The following PTPRM variants were observed in gnomAD, a reference collection of about 807,000 sequenced individuals.
The protein encoded by PTPRM is receptor-type tyrosine-protein phosphatase mu.
PTPRM carries 47 observed loss-of-function variants against 186.7 expected under a neutral mutation model. That is an observed-to-expected ratio of 0.25 (90% CI 0.20 to 0.32). The LOEUF is 0.32. Among genes scored for constraint, PTPRM ranks in the 10% least tolerant of loss-of-function variants. The pLI, the probability that PTPRM is intolerant of heterozygous loss-of-function variation, is 1.00. For missense variants in PTPRM, 1,494 were observed against 1,865.0 expected (o/e 0.80, Z 3.66); for synonymous variants, 668 against 674.9 (o/e 0.99, Z 0.16).
rs2049564032 is a variant in PTPRM at position 7,899,818 on chromosome 18, G to A, written c.469-6687G>A. The stretch of plus-strand genomic sequence containing the variant: ...ATTTTTAATTTTTCTGATATTTTGA[G>A]GCCTATGAAGTAATTAATTTTTCTG... On this transcript the variant is annotated intron_variant, in intron 3 of 32. Transcript: ENST00000580170. 2.0e-5 allele frequency among the ~76,000 whole-genome samples: 3 copies of A among 151,994 alleles called. No homozygotes were observed. In the South Asian group the frequency reaches 6.2e-4, roughly 32 times the overall value.
intron 29 of PTPRM, among the ~76,000 whole-genome samples, chr18:8,382,690 A>T (rs1321058845): frequency 6.6e-6 from 1 of 152,220 alleles, no homozygotes; most frequent in African/African-American, 2.4e-5. Context: ...ATAAAATCCC[A>T]ACCTTAACTG....
At chr18:8,054,875 C>T (rs2087805190) in intron 7 of PTPRM, among the ~76,000 whole-genome samples, 1 of 151,988 alleles carries the variant, frequency 6.6e-6, no homozygotes, top group Admixed American at 6.6e-5. Flanking sequence ...TGTCTTGATC[C>T]TTGAATGATA....
At chr18:8,159,694 A>G (rs1040565254) in intron 14 of PTPRM, among the ~76,000 whole-genome samples, 4 of 152,188 alleles carry the variant, frequency 2.6e-5, no homozygotes, top group Admixed American at 2.6e-4. Context: ...TCTGGGTACC[A>G]TATGTCTTTT....
intron 5 of PTPRM, among the ~76,000 whole-genome samples, chr18:7,938,457 C>T (rs1178861262): frequency 6.6e-6 from 1 of 152,156 alleles, no homozygotes; most frequent in African/African-American, 2.4e-5. Flanking sequence ...TAAAAGTGAA[C>T]TGGCTTGAGA....
At chr18:8,042,021 T>C (rs1031481053) in intron 7 of PTPRM, among the ~76,000 whole-genome samples, 6 of 152,216 alleles carry the variant, frequency 3.9e-5, no homozygotes, top group African/African-American at 1.4e-4. Flanking sequence ...GATTACTGAA[T>C]AGCTAGGTAT....
intron 2 of PTPRM, among the ~76,000 whole-genome samples, chr18:7,829,798 T>G (rs1195970827): frequency 1.3e-5 from 2 of 152,190 alleles, no homozygotes; most frequent in African/African-American, 4.8e-5. Flanking sequence ...ACCAGAGTCC[T>G]CCTGTGTTGG....
At chr18:7,902,605 A>G (rs1002391325) in intron 3 of PTPRM, among the ~76,000 whole-genome samples, 3 of 152,158 alleles carry the variant, frequency 2.0e-5, no homozygotes, top group African/African-American at 7.2e-5. Flanking sequence ...CTATTCTTTC[A>G]TCATTCATGT....
intron 1 of PTPRM, among the ~76,000 whole-genome samples, chr18:7,725,116 ATCTAAATGATGGACT>A (rs2040520627): frequency 6.6e-6 from 1 of 152,216 alleles, no homozygotes; most frequent in East Asian, 1.9e-4. Context: ...AATGATGGAC[ATCTAAATGATGGACT>A]GTCATATTTA....
chr18:7,929,889 C>T lies in PTPRM; in HGVS notation c.663+3206C>T, dbSNP rs577511802. Among the ~76,000 whole-genome samples, 12 of 152,286 alleles carry T rather than the reference C, an allele frequency of 7.9e-5. No homozygotes were observed. In the South Asian group the frequency reaches 2.5e-3, roughly 32 times the overall value. On this transcript the variant is annotated intron_variant, in intron 5 of 32. Coordinates refer to ENST00000580170, the MANE Select transcript of PTPRM (RefSeq NM_001105244.2). ...ATCTAGAGTTGTAATACACTAACACCTGTCTGCGTGTAAACTCATTTGGGT... is the reference window on the plus strand; with the variant it reads ...ATCTAGAGTTGTAATACACTAACACTTGTCTGCGTGTAAACTCATTTGGGT...
chr18:7,598,220 G>T (rs2037313755), intron 1 of PTPRM, among the ~76,000 whole-genome samples: 1 of 152,064 alleles, frequency 6.6e-6, no homozygotes, highest in African/African-American at 2.4e-5. Flanking sequence ...GGAAATCTTT[G>T]GTTTCCTAAA....
intron 4 of PTPRM, among the ~76,000 whole-genome samples, chr18:7,920,595 T>C (rs1341471795): frequency 2.0e-5 from 3 of 152,208 alleles, no homozygotes; most frequent in African/African-American, 7.2e-5. Context: ...GATAGATTTG[T>C]CTTTTGGGCT....
intron 9 of PTPRM, among the ~76,000 whole-genome samples, chr18:8,077,509 T>A (rs971543176): frequency 1.3e-5 from 2 of 152,170 alleles, no homozygotes; most frequent in African/African-American, 4.8e-5. Flanking sequence ...AAAAAGTTGA[T>A]TTTTGTACTG....
At chr18:8,216,886 C>T (rs570074492) in intron 14 of PTPRM, among the ~76,000 whole-genome samples, 57 of 152,198 alleles carry the variant, frequency 3.7e-4, no homozygotes, top group Non-Finnish European at 5.6e-4. Flanking sequence ...TGAGAGAGTG[C>T]AAGGTTTCCC....
intron 2 of PTPRM, among the ~76,000 whole-genome samples, chr18:7,813,563 G>C (rs2145511311): frequency 6.6e-6 from 1 of 152,080 alleles, no homozygotes; most frequent in East Asian, 1.9e-4. Context: ...ATCCTGCTTG[G>C]AACTTCGTGG....
Position 7,987,689 on chromosome 18 carries a change from C to T in PTPRM, c.1132+32275C>T, listed in dbSNP as rs139323921. Among the ~76,000 whole-genome samples the T allele has an allele frequency of 2.6e-3, 392 of 152,178 alleles. 2 individuals carry two copies. The highest frequency in any genetic ancestry group is 4.3e-3 in the Non-Finnish European group (295 of 68,000). On this transcript the variant is annotated intron_variant, in intron 7 of 32. Transcript: ENST00000580170. ...TCTATTTTATCTGGTTTAGAAAACT[C>T]ATAAAAAGTAAGTAGATTTAATATC...
intron 1 of PTPRM, among the ~76,000 whole-genome samples, chr18:7,654,171 AT>A: frequency 6.6e-6 from 1 of 151,690 alleles, no homozygotes; most frequent in South Asian, 2.1e-4. Flanking sequence ...GCAGTTGTTC[AT>A]TTTTTTCTTG....
At chr18:8,137,139 C>A (rs182754385) in intron 13 of PTPRM, among the ~76,000 whole-genome samples, 28 of 152,322 alleles carry the variant, frequency 1.8e-4, no homozygotes, top group African/African-American at 6.3e-4. Context: ...CCTGTCGCAT[C>A]TCTTAAGGTT....
At chr18:7,618,787 A>G (rs1377179977) in intron 1 of PTPRM, among the ~76,000 whole-genome samples, 1 of 152,176 alleles carries the variant, frequency 6.6e-6, no homozygotes, top group East Asian at 1.9e-4. Context: ...AGCTTTTTCT[A>G]TTCTGCAGAG....
At chr18:8,213,567 G>A (rs554760045) in intron 14 of PTPRM, among the ~76,000 whole-genome samples, 1 of 152,258 alleles carries the variant, frequency 6.6e-6, no homozygotes, top group Admixed American at 6.5e-5. Flanking sequence ...CCCACAGAGG[G>A]CTTCTGGTGG....
Sources: gnomAD v4.1 joint callset for allele counts (sites outside exome capture counted in the v4.1 genomes callset) on GRCh38, gnomAD v4.1.1 for gene constraint, MANE v1.5 for transcripts, NCBI Gene and HGNC (gene_info 2026-07-23, HGNC 2026-07-21) for gene names.